Variants in VAV2 observed in about 807,000 individuals in gnomAD.
VAV2 encodes the protein guanine nucleotide exchange factor VAV2.
VAV2 carries 67 observed loss-of-function variants against 132.5 expected under a neutral mutation model. That is an observed-to-expected ratio of 0.51 (90% CI 0.42 to 0.62). The LOEUF is 0.62. VAV2 is among the 20% of genes least tolerant of loss of function. The probability of loss-of-function intolerance (pLI) is 0.00; values close to 1 mark genes in which losing one functional copy is unlikely to be tolerated. For synonymous variants in VAV2, 492 were observed against 443.5 expected (o/e 1.11, Z -1.37); for missense variants, 938 against 1,153.6 (o/e 0.81, Z 2.71).
chr9:133,943,694 G>A (rs536851842), intron 1 of VAV2, among the ~76,000 whole-genome samples: 5 of 152,182 alleles, frequency 3.3e-5, no homozygotes, highest in Non-Finnish European at 7.4e-5. Context: ...GGGGGCATGG[G>A]CTACCCCACC....
In VAV2 at chr9:133,991,483, G is replaced by C. The variant is rs1215691174; in HGVS notation, c.204+592C>G. On this transcript the variant is annotated intron_variant, in intron 1 of 29. Transcript: ENST00000371850. This position sits in a 1 kb window ranked among gnomAD's most constrained non-coding sequence, Gnocchi z 4.8. ...GGATCCTCGAGGCGGCTCGACCCGG[G>C]AGCCAGGACTGGCGCCAAGTGGCCC... Among the ~76,000 whole-genome samples, 1 of 150,562 alleles carries C rather than the reference G, an allele frequency of 6.6e-6. No individual in the cohort carries two copies. The highest frequency in any genetic ancestry group is 1.5e-5 in the Non-Finnish European group (1 of 67,346).
chr9:133,865,032 G>A lies in VAV2; in HGVS notation c.322-3600C>T, dbSNP rs911148013. 3.3e-5 allele frequency among the ~76,000 whole-genome samples: 5 copies of A among 152,344 alleles called. No homozygotes were observed. The South Asian group carries it at 1.0e-3, about 32-fold the overall frequency. ...TGTAAATGCAAAGCTCTATGCTGCA[G>A]GTTCAGCAGAGGATAGGAAGCCTCA... On this transcript the variant is annotated intron_variant, in intron 2 of 29. Coordinates refer to ENST00000371850, the MANE Select transcript of VAV2 (RefSeq NM_001134398.2).
chr9:133,790,573 A>G (rs549599197), intron 13 of VAV2, among the ~76,000 whole-genome samples: 56 of 152,172 alleles, frequency 3.7e-4, no homozygotes, highest in Admixed American at 3.3e-4. Flanking sequence ...CACTGTACGC[A>G]TTTGTGACCG....
intron 1 of VAV2, among the ~76,000 whole-genome samples, chr9:133,945,703 C>T (rs575026150): frequency 6.6e-6 from 1 of 152,202 alleles, no homozygotes; most frequent in Non-Finnish European, 1.5e-5. Flanking sequence ...GTCTCCAGAT[C>T]GCCTGGCCCA....
Position 133,834,614 on chromosome 9 carries a change from G to A in VAV2, c.381-274C>T, listed in dbSNP as rs576541731. 2.7e-3 allele frequency among the ~76,000 whole-genome samples: 411 copies of A among 152,360 alleles called. 3 individuals are homozygous for A. Among genetic ancestry groups the A allele is most frequent in the Middle Eastern group, 0.01 (3 of 294 alleles). ...GGCTCCGGGTGTCCAGTGGGAAGAC[G>A]AGAGGCCCAGGTCAGGGCTGCAGAA... On this transcript the variant is annotated intron_variant, in intron 3 of 29. Coordinates refer to ENST00000371850, the MANE Select transcript of VAV2 (RefSeq NM_001134398.2). This position sits in a 1 kb window ranked among gnomAD's most constrained non-coding sequence, Gnocchi z 5.9.
At chr9:133,798,276 A>G (rs1003631894) in intron 9 of VAV2, among the ~76,000 whole-genome samples, 1 of 152,150 alleles carries the variant, frequency 6.6e-6, no homozygotes, top group African/African-American at 2.4e-5. Context: ...GGAACCCCTA[A>G]GGGTCACCCT....
At chr9:133,852,849 G>A (rs964787343) in intron 3 of VAV2, among the ~76,000 whole-genome samples, 12 of 152,162 alleles carry the variant, frequency 7.9e-5, no homozygotes, top group African/African-American at 2.9e-4. Flanking sequence ...GCAGGGTGGG[G>A]GCACAGCCCC....
chr9:133,895,651 G>C (rs12001519), intron 2 of VAV2, among the ~76,000 whole-genome samples: 33 of 152,248 alleles, frequency 2.2e-4, no homozygotes, highest in Admixed American at 5.2e-4. Flanking sequence ...AATTTGGGGG[G>C]GATGAGGAGT....
At chr9:133,832,145 C>T (rs1836287565) in intron 4 of VAV2, among the ~76,000 whole-genome samples, 2 of 152,166 alleles carry the variant, frequency 1.3e-5, no homozygotes, top group African/African-American at 4.8e-5. Context: ...AGGGTCTGAC[C>T]CTCTGATAGG....
intron 4 of VAV2, among the ~76,000 whole-genome samples, chr9:133,831,589 C>T (rs1343716182): frequency 6.6e-6 from 1 of 152,322 alleles, no homozygotes; most frequent in East Asian, 1.9e-4. Flanking sequence ...GTGTCCTGGG[C>T]TGAACACCCA....
At chr9:133,766,772 A>ATATATC (rs1833451593) in intron 29 of VAV2, among the ~76,000 whole-genome samples, 2 of 144,542 alleles carry the variant, frequency 1.4e-5, no homozygotes, top group South Asian at 4.3e-4. Flanking sequence ...ATATATATAT[A>ATATATC]TATATATATA....
intron 9 of VAV2, among the ~76,000 whole-genome samples, chr9:133,801,806 A>G (rs1393101698): frequency 6.6e-6 from 1 of 152,102 alleles, no homozygotes; most frequent in Non-Finnish European, 1.5e-5. Flanking sequence ...GGGGACAGAG[A>G]ACGAAGCAGC....
At chr9:133,965,333 A>G (rs1205542922) in intron 1 of VAV2, among the ~76,000 whole-genome samples, 1 of 151,546 alleles carries the variant, frequency 6.6e-6, no homozygotes, top group East Asian at 1.9e-4. Context: ...AAAAAAAAAA[A>G]ATAATAATAA....
At chr9:133,853,965 G>A (rs578255240) in intron 3 of VAV2, among the ~76,000 whole-genome samples, 27 of 152,214 alleles carry the variant, frequency 1.8e-4, no homozygotes, top group East Asian at 5.8e-4. Flanking sequence ...CAGGCCTGCC[G>A]GGAGCTCCCA....
chr9:133,810,719 C>T (rs751640869), intron 5 of VAV2, among the ~76,000 whole-genome samples: 4 of 137,460 alleles, frequency 2.9e-5, no homozygotes, highest in East Asian at 2.0e-4. Flanking sequence ...CTTTCACATG[C>T]GTTTTCTCAA....
chr9:133,807,673 C>T (rs1286158984), intron 7 of VAV2, among the ~76,000 whole-genome samples: 1 of 152,180 alleles, frequency 6.6e-6, no homozygotes, highest in Non-Finnish European at 1.5e-5. Flanking sequence ...GGGCCATCAC[C>T]CGTGGGGACT....
At chr9:133,869,609 C>T (rs1368172753) in intron 2 of VAV2, among the ~76,000 whole-genome samples, 2 of 152,028 alleles carry the variant, frequency 1.3e-5, no homozygotes, top group African/African-American at 4.8e-5. Context: ...AACCCTATCT[C>T]AAAAATAAGT....
intron 2 of VAV2, among the ~76,000 whole-genome samples, chr9:133,938,805 G>A (rs544992461): frequency 6.6e-6 from 1 of 152,298 alleles, no homozygotes; most frequent in African/African-American, 2.4e-5. Flanking sequence ...CACAGGGCCA[G>A]GGTTGTCTGC....
chr9:133,888,760 G>A (rs1178308613), intron 2 of VAV2, among the ~76,000 whole-genome samples: 1 of 152,196 alleles, frequency 6.6e-6, no homozygotes, highest in Non-Finnish European at 1.5e-5. Context: ...TCCAAAGGGC[G>A]TCATCCCAGC....
Sources: allele counts gnomAD v4.1 joint callset (sites outside exome capture counted in the v4.1 genomes callset), GRCh38; gene constraint gnomAD v4.1.1; non-coding constraint Gnocchi (gnomAD v3.1); transcripts MANE v1.5; gene names NCBI Gene and HGNC (gene_info 2026-07-23, HGNC 2026-07-21).